The following GALNTL6 variants were observed in gnomAD, a reference collection of about 807,000 sequenced individuals.
GALNTL6 encodes the protein polypeptide N-acetylgalactosaminyltransferase like 6, also known as polypeptide N-acetylgalactosaminyltransferase-like 6.
In GALNTL6, 46 loss-of-function variants were observed where a neutral mutation model predicts 73.7. The observed-to-expected ratio is 0.62, with a 90% CI of 0.49 to 0.80. The LOEUF (loss-of-function observed/expected upper bound fraction) is 0.80. Ranked by LOEUF, GALNTL6 falls within the 30% of genes least tolerant of loss-of-function variation. The pLI is 0.00. For missense variants in GALNTL6, 604 were observed against 755.0 expected (o/e 0.80, Z 2.34); for synonymous variants, 259 against 263.7 (o/e 0.98, Z 0.17).
intron 2 of GALNTL6, among the ~76,000 whole-genome samples, chr4:171,901,517 C>G (rs1477548555): frequency 6.6e-6 from 1 of 152,140 alleles, no homozygotes. Flanking sequence ...CCCCACTCCC[C>G]TTCCTCATGT....
intron 7 of GALNTL6, among the ~76,000 whole-genome samples, chr4:172,832,640 A>T (rs1362867839): frequency 6.6e-6 from 1 of 152,164 alleles, no homozygotes; most frequent in Non-Finnish European, 1.5e-5. Flanking sequence ...CTTCCTCCAT[A>T]GTGTGTAATT....
At chr4:172,878,684 C>T (rs1047919373) in intron 7 of GALNTL6, among the ~76,000 whole-genome samples, 3 of 151,218 alleles carry the variant, frequency 2.0e-5, no homozygotes, top group East Asian at 1.9e-4. Flanking sequence ...GAAAAATATT[C>T]GGTTAATCAA....
chr4:171,828,170 G>A (rs7678114), intron 2 of GALNTL6, among the ~76,000 whole-genome samples: 10 of 152,120 alleles, frequency 6.6e-5, no homozygotes, highest in African/African-American at 1.2e-4. Flanking sequence ...ACTGTAATAC[G>A]TACTGTACTA....
intron 5 of GALNTL6, among the ~76,000 whole-genome samples, chr4:172,479,142 A>T (rs1290343533): frequency 6.6e-6 from 1 of 152,216 alleles, no homozygotes; most frequent in Non-Finnish European, 1.5e-5. Flanking sequence ...CTACTGTTCC[A>T]TCCGGGAATC....
intron 5 of GALNTL6, among the ~76,000 whole-genome samples, chr4:172,783,482 T>C (rs1194248761): frequency 1.4e-5 from 2 of 144,666 alleles, no homozygotes; most frequent in Non-Finnish European, 3.1e-5. Flanking sequence ...ACACTATTAA[T>C]AATATTATAC....
At chr4:172,570,393 A>G (rs1370610704) in intron 5 of GALNTL6, among the ~76,000 whole-genome samples, 1 of 152,178 alleles carries the variant, frequency 6.6e-6, no homozygotes, top group Non-Finnish European at 1.5e-5. Context: ...ATGCTGTTAC[A>G]GTTTGGATTG....
intron 7 of GALNTL6, among the ~76,000 whole-genome samples, chr4:172,828,129 A>T (rs1440804455): frequency 6.6e-6 from 1 of 151,906 alleles, no homozygotes; most frequent in African/African-American, 2.4e-5. Context: ...AAAATTCACC[A>T]GGCATAGTGG....
At position 171,989,598 on chromosome 4, in the gene GALNTL6, G is replaced by A. The variant is rs575569583; in HGVS notation, c.138+174880G>A. 8.6e-5 allele frequency among the ~76,000 whole-genome samples: 13 copies of A among 151,968 alleles called. No individual in the cohort carries two copies. In the South Asian group the frequency reaches 2.5e-3, roughly 29 times the overall value. ...ATGTGGCTGGGGTTTGTCTCACAGT[G>A]GAGGCAAGGAATTGCAACTCAGAAA... On this transcript the variant is annotated intron_variant, in intron 2 of 12. Coordinates refer to ENST00000506823, the MANE Select transcript of GALNTL6 (RefSeq NM_001034845.3).
intron 3 of GALNTL6, among the ~76,000 whole-genome samples, chr4:172,257,568 A>G (rs1041129325): frequency 6.6e-6 from 1 of 151,404 alleles, no homozygotes; most frequent in East Asian, 1.9e-4. Context: ...TCACAGTCCT[A>G]CTTTTTCCTA....
chr4:172,251,344 A>G (rs1473319474), intron 3 of GALNTL6, among the ~76,000 whole-genome samples: 2 of 152,170 alleles, frequency 1.3e-5, no homozygotes, highest in Non-Finnish European at 2.9e-5. Context: ...TTAAATGTCA[A>G]TCTCATCGAA....
At chr4:172,631,367 A>G (rs1297974213) in intron 5 of GALNTL6, among the ~76,000 whole-genome samples, 1 of 151,546 alleles carries the variant, frequency 6.6e-6, no homozygotes, top group East Asian at 1.9e-4. Context: ...CTGATCTCAA[A>G]CTCCTGAGCT....
intron 7 of GALNTL6, among the ~76,000 whole-genome samples, chr4:172,871,993 A>G (rs1169140972): frequency 6.6e-6 from 1 of 152,106 alleles, no homozygotes; most frequent in Non-Finnish European, 1.5e-5. Flanking sequence ...GGGTTTCACC[A>G]TGTTGGTCAG....
intron 5 of GALNTL6, among the ~76,000 whole-genome samples, chr4:172,743,042 ACTCAATCTTTAAGAAGC>A (rs1236693610): frequency 6.6e-6 from 1 of 152,052 alleles, no homozygotes; most frequent in Non-Finnish European, 1.5e-5. Context: ...ATTGTTCAAC[ACTCAATCTTTAAGAAGC>A]CTCAATAGCA....
chr4:172,167,414 G>C (rs1297256271), intron 2 of GALNTL6, among the ~76,000 whole-genome samples: 1 of 152,124 alleles, frequency 6.6e-6, no homozygotes, highest in Non-Finnish European at 1.5e-5. Context: ...CCAACCAAAA[G>C]AAGTCTTGTT....
At chr4:172,666,949 G>T (rs1008036155) in intron 5 of GALNTL6, 2 of 152,146 alleles carry the variant, frequency 1.3e-5, no homozygotes, top group African/African-American at 4.8e-5. Context: ...AATCATCGTG[G>T]ATATAGCAGA....
intron 7 of GALNTL6, among the ~76,000 whole-genome samples, chr4:172,833,984 G>A (rs554636151): frequency 6.6e-6 from 1 of 152,294 alleles, no homozygotes; most frequent in East Asian, 1.9e-4. Flanking sequence ...GAGCGTGGTG[G>A]CGCATGCCTG....
intron 8 of GALNTL6, among the ~76,000 whole-genome samples, chr4:172,893,770 G>T (rs1370768932): frequency 1.3e-5 from 2 of 152,220 alleles, no homozygotes; most frequent in Non-Finnish European, 2.9e-5. Flanking sequence ...CAGCTGCAGT[G>T]TGCACGGCAA....
At chr4:172,285,965 A>C (rs887921518) in intron 3 of GALNTL6, among the ~76,000 whole-genome samples, 2 of 152,218 alleles carry the variant, frequency 1.3e-5, no homozygotes, top group African/African-American at 4.8e-5. Context: ...CTGATACAAA[A>C]TTAACATCTC....
intron 5 of GALNTL6, among the ~76,000 whole-genome samples, chr4:172,789,863 CA>C (rs1560954297): frequency 6.6e-6 from 1 of 152,092 alleles, no homozygotes; most frequent in African/African-American, 2.4e-5. Flanking sequence ...CTAACACACC[CA>C]ACATTATAAC....
Sources: gnomAD v4.1 joint callset for allele counts (sites outside exome capture counted in the v4.1 genomes callset) on GRCh38, gnomAD v4.1.1 for gene constraint, MANE v1.5 for transcripts, NCBI Gene and HGNC (gene_info 2026-07-23, HGNC 2026-07-21) for gene names.